CRTC1: variants seen among roughly 807,000 people sequenced by gnomAD.
CRTC1 encodes the protein CREB regulated transcription coactivator 1, also known as CREB-regulated transcription coactivator 1.
Under a neutral mutation model 66.1 loss-of-function variants are expected in CRTC1, and 18 were observed. The ratio of observed to expected loss-of-function variants is 0.27; its 90% CI spans 0.19 to 0.40. The LOEUF (loss-of-function observed/expected upper bound fraction) is 0.40, where lower values mean the gene tolerates loss of function less well. Ranked by LOEUF, CRTC1 falls within the 10% of genes least tolerant of loss-of-function variation. The pLI, the probability that CRTC1 is intolerant of heterozygous loss-of-function variation, is 1.00. For synonymous variants in CRTC1, 416 were observed against 398.8 expected, an observed-to-expected ratio of 1.04 and a Z score of -0.51; for missense variants, 669 against 887.9, an observed-to-expected ratio of 0.75 and a Z score of 3.13.
At position 18,777,806 on chromosome 19, in the gene CRTC1, C is replaced by G. The variant is rs1601033646; in HGVS notation, c.*424C>G. 6.6e-6 allele frequency: 2 copies of G among 303,634 alleles called. No individual in the cohort carries two copies. The highest frequency in any genetic ancestry group is 1.2e-5 in the Non-Finnish European group (2 of 162,448). The allele number at this position is 303,634 out of a possible 1,614,324, so 18.8% of individuals were successfully genotyped here. A position where few individuals can be genotyped will look rare whatever the true frequency, so the allele number is the denominator to read the frequency against. On this transcript the variant is annotated 3_prime_UTR_variant, in exon 14 of 14. Transcript: ENST00000321949. This position sits in a 1 kb window ranked among gnomAD's most constrained non-coding sequence, Gnocchi z 5.5. ...GCATTTTCCGACTGTTTGTCCAGCT[C>G]TCACTGCCTTCCTTGGTTCCCGGTC... is the stretch of plus-strand genomic sequence containing the variant.
Position 18,749,844 on chromosome 19 carries a change from C to T in CRTC1, c.507C>T (p.Ser169=). Residue 169 remains serine (S), a synonymous_variant, in exon 5 of 14, where the codon AGC becomes AGT. Coordinates refer to ENST00000321949, the MANE Select transcript of CRTC1 (RefSeq NM_015321.3). The part of the protein sequence containing the change: ...TMTPTQPESF[S]SGSQDVHQKR... Reference sequence around the variant, plus strand: ...CGCCCACGCAGCCAGAATCCTTTAGCAGTGGGTCCCAGGACGTGCACCAGA... The same window carrying T: ...CGCCCACGCAGCCAGAATCCTTTAGTAGTGGGTCCCAGGACGTGCACCAGA... 6.2e-7 allele frequency: 1 copy of T among 1,614,062 alleles called. No homozygotes were observed. Among genetic ancestry groups the T allele is most frequent in the Non-Finnish European group, 8.5e-7 (1 of 1,179,980 alleles).
chr19:18,747,806 A>C (rs1056599183), intron 4 of CRTC1, among the ~76,000 whole-genome samples: 6 of 152,072 alleles, frequency 3.9e-5, no homozygotes, highest in Non-Finnish European at 8.8e-5. Context: ...GGCCAGGCAC[A>C]GTGGCTCACG....
chr19:18,753,388 G>A (rs1600947126), intron 5 of CRTC1, 112 bp from the exon 6 acceptor site: 1 of 752,124 alleles, frequency 1.3e-6, no homozygotes, highest in South Asian at 1.7e-5. Context: ...GACAGTTGCA[G>A]TCTTACCATG....
At chr19:18,767,299 A>G (rs1352585846) in intron 9 of CRTC1, among the ~76,000 whole-genome samples, 1 of 151,744 alleles carries the variant, frequency 6.6e-6, no homozygotes, top group Non-Finnish European at 1.5e-5. Flanking sequence ...TCCCAGGTTC[A>G]AGCGATTTTC....
In CRTC1 at chr19:18,718,442, A is replaced by G. The variant is rs532774791; in HGVS notation, c.127-24468A>G. ...GCCTCCACCTCTTGGGCTCTGTCCA[A>G]CCTCCCACCTCTGCCTCTCGAATAG... On this transcript the variant is annotated intron_variant, in intron 1 of 13. Transcript: ENST00000321949. Among the ~76,000 whole-genome samples, 82 of 143,068 alleles carry G rather than the reference A, an allele frequency of 5.7e-4. 1 individual carries two copies. The South Asian group carries it at 0.013, about 23-fold the overall frequency. The allele number at this position is 143,068 out of a possible 152,430, so 93.9% of individuals were successfully genotyped here. A position where few individuals can be genotyped will look rare whatever the true frequency, so the allele number is the denominator to read the frequency against.
chr19:18,736,856 C>T (rs527956924), intron 1 of CRTC1, among the ~76,000 whole-genome samples: 5 of 152,318 alleles, frequency 3.3e-5, no homozygotes, highest in Admixed American at 6.5e-5. Context: ...GAAGGTTGGC[C>T]GGTTGCCATG....
intron 1 of CRTC1, among the ~76,000 whole-genome samples, chr19:18,723,181 T>A (rs1600845223): frequency 6.6e-6 from 1 of 152,196 alleles, no homozygotes; most frequent in Admixed American, 6.5e-5. Flanking sequence ...CCTCAAGTGA[T>A]CCACCTGCCA....
intron 1 of CRTC1, among the ~76,000 whole-genome samples, chr19:18,689,324 A>G (rs1232910455): frequency 4.0e-5 from 6 of 151,298 alleles, no homozygotes; most frequent in Non-Finnish European, 8.8e-5. Context: ...CAGTGAGGCG[A>G]ATCCTGCACC....
chr19:18,727,685 CAGCCGCAACA>C (rs1197266152), intron 1 of CRTC1, among the ~76,000 whole-genome samples: 1 of 151,582 alleles, frequency 6.6e-6, no homozygotes, highest in Non-Finnish European at 1.5e-5. Flanking sequence ...GGATGGTCAG[CAGCCGCAACA>C]GCTGGGAGAG....
Position 18,747,129 on chromosome 19 carries a change from A to ACACC in CRTC1, c.443+16_443+17insACCC, listed in dbSNP as rs2054259725. The stretch of plus-strand genomic sequence containing the variant: ...AGCTGGAGAAGGTCAGTGGCTGGAC[A>ACACC]CCCCCCCCCCGCCCCCTTCTTGTTG... On this transcript the variant is annotated intron_variant, in intron 4 of 13. Coordinates refer to ENST00000321949, the MANE Select transcript of CRTC1 (RefSeq NM_015321.3). 2 of 1,109,954 alleles carry ACACC rather than the reference A, an allele frequency of 1.8e-6. No individual in the cohort carries two copies. The highest frequency in any genetic ancestry group is 2.2e-5 in the African/African-American group (1 of 46,352). 68.8% of individuals were successfully genotyped at this position (1,109,954 alleles called of 1,614,324 possible).
intron 1 of CRTC1, among the ~76,000 whole-genome samples, chr19:18,703,113 G>C (rs981244561): frequency 6.6e-6 from 1 of 152,128 alleles, no homozygotes; most frequent in Non-Finnish European, 1.5e-5. Context: ...CTCCCGAGTA[G>C]CTGGGACTAC....
At chr19:18,717,960 C>T (rs947583368) in intron 1 of CRTC1, among the ~76,000 whole-genome samples, 11 of 152,108 alleles carry the variant, frequency 7.2e-5, no homozygotes, top group African/African-American at 2.2e-4. Context: ...TGGGCAGCCC[C>T]GTCACGGGGC....
In CRTC1 at chr19:18,771,946, G is replaced by A. The variant is rs1290076397; in HGVS notation, c.1425+400G>A. ...GGGGTGCAGCTGAGGTGGCTGGCCCGCCCGCAGGGAAGGCGCTGACTCTGC... is the reference window on the plus strand; with the variant it reads ...GGGGTGCAGCTGAGGTGGCTGGCCCACCCGCAGGGAAGGCGCTGACTCTGC... On this transcript the variant is annotated intron_variant, in intron 11 of 13. Transcript: ENST00000321949. The surrounding 1 kb of genome is among the most constrained non-coding windows in gnomAD (Gnocchi z 4.6). Among the ~76,000 whole-genome samples, 5 of 152,180 alleles carry A rather than the reference G, an allele frequency of 3.3e-5. No individual in the cohort carries two copies. The highest frequency in any genetic ancestry group is 7.4e-5 in the Non-Finnish European group (5 of 68,018).
Position 18,768,772 on chromosome 19 carries a change from G to T in CRTC1, c.1299G>T (p.Ser433=), listed in dbSNP as rs763361838. 1.9e-6 allele frequency: 3 copies of T among 1,602,080 alleles called. No homozygotes were observed. In the African/African-American group the frequency reaches 4.0e-5, roughly 22 times the overall value. Residue 433 remains serine, a synonymous_variant, in exon 10 of 14, where the codon TCG becomes TCT. Coordinates refer to ENST00000321949, the MANE Select transcript of CRTC1 (RefSeq NM_015321.3). The surrounding 1 kb of genome is among the most constrained non-coding windows in gnomAD (Gnocchi z 5.6). ...CCCCAGAGAACCCTGGCCAGCCATC[G>T]ATGGGGATCGACATCGCCTCGGTAA... ...QSPPENPGQP[S]MGIDIASAPA... is the part of the protein sequence containing the mutation.
At chr19:18,696,067 A>C (rs999805198) in intron 1 of CRTC1, among the ~76,000 whole-genome samples, 13 of 152,212 alleles carry the variant, frequency 8.5e-5, no homozygotes, top group African/African-American at 3.1e-4. Context: ...CCTGTAGTAC[A>C]TGACTGCTCT....
rs1415592469 is a variant in CRTC1, at chr19:18,771,492, G to A, written c.1371G>A (p.Gln457=). The stretch of plus-strand genomic sequence containing the variant: ...CTAGCGCCGGCTCCCCGGCCAACCA[G>A]TCTCCCACCTCGCCAGTCTCCAATC... The part of the protein sequence containing the change: ...YRTSAGSPAN[Q]SPTSPVSNQG... Residue 457 remains glutamine, a synonymous_variant, in exon 11 of 14, where the codon CAG becomes CAA. Transcript: ENST00000321949. This position sits in a 1 kb window ranked among gnomAD's most constrained non-coding sequence, Gnocchi z 4.6. 2.2e-5 allele frequency: 36 copies of A among 1,613,706 alleles called. No individual in the cohort carries two copies. Among genetic ancestry groups the A allele is most frequent in the Non-Finnish European group, 2.9e-5 (34 of 1,179,788 alleles).
At position 18,753,117 on chromosome 19, in the gene CRTC1, A is replaced by T. The variant is rs527506674; in HGVS notation, c.539-383A>T. ...CGTCTCTACTAAAAATAAAAAAAAT[A>T]AAAAAAAAATTAGCCTGGCATCGTG... is the stretch of plus-strand genomic sequence containing the variant. On this transcript the variant is annotated intron_variant, in intron 5 of 13. Coordinates refer to ENST00000321949, the MANE Select transcript of CRTC1 (RefSeq NM_015321.3). 1.7e-4 allele frequency among the ~76,000 whole-genome samples: 25 copies of T among 149,550 alleles called. 1 individual carries two copies. Among genetic ancestry groups the T allele is most frequent in the East Asian group, 9.9e-4 (5 of 5,068 alleles).
rs747530392 is a variant in CRTC1 at position 18,774,912 on chromosome 19, C to T, written c.1438C>T (p.Leu480=). Residue 480 remains leucine (L), a synonymous_variant, in exon 12 of 14, where the codon CTG becomes TTG. Coordinates refer to ENST00000321949, the MANE Select transcript of CRTC1 (RefSeq NM_015321.3). ...CTTCTGTCTGCAGCACACTTCCACC[C>T]TGGGCAGCGTGTTTGGGGACGCGTA... is the stretch of plus-strand genomic sequence containing the variant. The part of the protein sequence containing the change: ...PGSSPQHTST[L]GSVFGDAYYE... The T allele has an allele frequency of 1.9e-6, 3 of 1,610,922 alleles. No individual in the cohort carries two copies. In the East Asian group the frequency reaches 6.7e-5, roughly 36 times the overall value.
chr19:18,775,668 G>A lies in CRTC1; in HGVS notation c.1540G>A (p.Ala514Thr), dbSNP rs777883019. 9.3e-6 allele frequency: 15 copies of A among 1,605,606 alleles called. No homozygotes were observed. The African/African-American group carries it at 9.4e-5, about 10-fold the overall frequency. Residue 514 changes from alanine to threonine, a missense_variant, in exon 13 of 14, where the codon GCC becomes ACC. Around this residue, in one of 8 missense-constraint regions of CRTC1, gnomAD observed 79 missense variants for 100.1 expected, o/e 0.79. Coordinates refer to ENST00000321949, the MANE Select transcript of CRTC1 (RefSeq NM_015321.3). The part of the protein sequence containing the change: ...QLEQFNMMEN[A>T]ISSSSLYSPG... ...GGAGCAGTTCAACATGATGGAGAAC[G>A]CCATCAGCTCCAGCAGCCTGTACAG...
Sources: allele counts gnomAD v4.1 joint callset (sites outside exome capture counted in the v4.1 genomes callset), GRCh38; gene constraint gnomAD v4.1.1; regional missense constraint gnomAD v4.1.1; non-coding constraint Gnocchi (gnomAD v3.1); transcripts MANE v1.5; gene names NCBI Gene and HGNC (gene_info 2026-07-23, HGNC 2026-07-21).